The following PRRG1 variants were observed in gnomAD, a reference collection of about 807,000 sequenced individuals.
PRRG1 encodes proline rich and Gla domain 1.
In PRRG1, 5 loss-of-function variants were observed where a neutral mutation model predicts 11.8. The ratio of observed to expected loss-of-function variants is 0.42; its 90% confidence interval spans 0.22 to 0.89. The LOEUF is 0.89. Ranked by LOEUF, PRRG1 falls within the 40% of genes least tolerant of loss-of-function variation. The pLI, the probability that PRRG1 is intolerant of heterozygous loss-of-function variation, is 0.28. For synonymous variants in PRRG1, 66 were observed against 60.4 expected (o/e 1.09, Z -0.43); for missense variants, 155 against 166.1 (o/e 0.93, Z 0.37).
chrX:37,350,637 A>G (rs1018304866), intron 1 of PRRG1, among the ~76,000 whole-genome samples: 1 of 111,963 alleles, frequency 8.9e-6, no homozygotes, highest in African/African-American at 3.3e-5. Context: ...GAAAGATAGT[A>G]TATGTGTTCC....
intron 1 of PRRG1, among the ~76,000 whole-genome samples, chrX:37,387,254 C>A (rs1931357229): frequency 8.9e-6 from 1 of 112,235 alleles, no homozygotes; most frequent in Non-Finnish European, 1.9e-5. Flanking sequence ...TGTATAATAA[C>A]CTTTCCTTGA....
rs782194095 is a variant in PRRG1, at chrX:37,453,592, A to G, written c.628A>G (p.Met210Val). 6.7e-6 allele frequency: 8 copies of G among 1,192,467 alleles called. No individual in the cohort carries two copies. In the Admixed American group the frequency reaches 1.1e-4, roughly 17 times the overall value. ...CTCCAACTCAGCCAGTGCCATTCCT[A>G]TGGTGCCTGTGGTCACCACCATCAA... The part of the protein sequence containing the change: ...VNSNSASAIP[M>V]VPVVTTIK Residue 210 changes from methionine to valine, a missense_variant, in exon 4 of 4, where the codon ATG (methionine) becomes GTG (valine). Transcript: ENST00000378628.
At chrX:37,385,179 A>G (rs1366597208) in intron 1 of PRRG1, among the ~76,000 whole-genome samples, 2 of 112,345 alleles carry the variant, frequency 1.8e-5, no homozygotes, top group East Asian at 5.5e-4. Flanking sequence ...ACTATATGCA[A>G]CAATATGGAT....
intron 1 of PRRG1, among the ~76,000 whole-genome samples, chrX:37,402,261 C>T (rs1423769808): frequency 8.9e-6 from 1 of 111,749 alleles, no homozygotes; most frequent in Admixed American, 9.5e-5. Flanking sequence ...GTACTCAAAA[C>T]AGCATGGTAC....
At chrX:37,440,975 C>T (rs1357168807) in intron 3 of PRRG1, 1 of 677,354 alleles carries the variant, frequency 1.5e-6, no homozygotes. Flanking sequence ...CACCATGTTG[C>T]CTAGGCTGGT....
chrX:37,367,669 G>A (rs1283277999), intron 1 of PRRG1, among the ~76,000 whole-genome samples: 1 of 111,888 alleles, frequency 8.9e-6, no homozygotes, highest in Non-Finnish European at 1.9e-5. Context: ...AGATTGATAA[G>A]GTATACCTAG....
intron 1 of PRRG1, among the ~76,000 whole-genome samples, chrX:37,369,668 G>T (rs1194704648): frequency 1.8e-5 from 2 of 111,356 alleles, no homozygotes; most frequent in Non-Finnish European, 3.8e-5. Context: ...ATATGGTTTG[G>T]CTGTGTCCCC....
At chrX:37,395,746 T>C (rs1288147946) in intron 1 of PRRG1, among the ~76,000 whole-genome samples, 2 of 111,475 alleles carry the variant, frequency 1.8e-5, no homozygotes, top group African/African-American at 6.5e-5. Context: ...TCAGAAAAGA[T>C]ATACTTTCCA....
At chrX:37,350,038 G>A (rs1556364323) in intron 1 of PRRG1, among the ~76,000 whole-genome samples, 2 of 102,973 alleles carry the variant, frequency 1.9e-5, no homozygotes, top group Non-Finnish European at 4.0e-5. Context: ...GTGCGGCCCT[G>A]GGGGATGGGA....
chrX:37,430,399 G>C (rs1338152), intron 3 of PRRG1, among the ~76,000 whole-genome samples: 30,513 of 111,032 alleles, frequency 0.27, 5,865 homozygotes, highest in African/African-American at 0.7. Flanking sequence ...ATCTCCAATT[G>C]CAATCCAATC....
At chrX:37,398,931 A>C (rs1238834503) in intron 1 of PRRG1, among the ~76,000 whole-genome samples, 3 of 111,169 alleles carry the variant, frequency 2.7e-5, no homozygotes, top group Non-Finnish European at 3.8e-5. Context: ...AGTTTAGAGA[A>C]AAAAGAATAA....
intron 1 of PRRG1, among the ~76,000 whole-genome samples, chrX:37,364,502 A>G (rs1409887389): frequency 1.8e-5 from 2 of 112,288 alleles, no homozygotes; most frequent in African/African-American, 6.5e-5. Flanking sequence ...CCCAGTGTCT[A>G]TCTGTAGCCC....
At chrX:37,418,235 A>G (rs1556385828) in intron 2 of PRRG1, among the ~76,000 whole-genome samples, 1 of 112,210 alleles carries the variant, frequency 8.9e-6, no homozygotes, top group Non-Finnish European at 1.9e-5. Context: ...ACTTGCCTCA[A>G]TGCAGGGTTG....
rs782618909 is a variant in PRRG1, at chrX:37,418,516, T to C, written c.11-7324T>C. Among the ~76,000 whole-genome samples, 4 of 112,366 alleles carry C rather than the reference T, an allele frequency of 3.6e-5. No homozygotes were observed. In the East Asian group the frequency reaches 1.1e-3, roughly 31 times the overall value. On this transcript the variant is annotated intron_variant, in intron 2 of 3. Coordinates refer to ENST00000378628, the MANE Select transcript of PRRG1 (RefSeq NM_001142395.2). Reference sequence around the variant, plus strand: ...AAAAAATTTTCAATTTGAGCAAATATATTTTGCAGATTGAGGATGCTTACC... The same window carrying C: ...AAAAAATTTTCAATTTGAGCAAATACATTTTGCAGATTGAGGATGCTTACC...
At chrX:37,434,347 A>G (rs1932862425) in intron 3 of PRRG1, among the ~76,000 whole-genome samples, 1 of 112,234 alleles carries the variant, frequency 8.9e-6, no homozygotes, top group African/African-American at 3.2e-5. Context: ...CTGAATGCCT[A>G]CTATGTAACA....
chrX:37,390,890 T>C (rs1931502961), intron 1 of PRRG1, among the ~76,000 whole-genome samples: 1 of 111,722 alleles, frequency 9.0e-6, no homozygotes, highest in African/African-American at 3.3e-5. Flanking sequence ...ATCCTTAAGG[T>C]AGGGAGGTCA....
intron 3 of PRRG1, among the ~76,000 whole-genome samples, chrX:37,434,215 T>C (rs782270856): frequency 1.8e-5 from 2 of 112,511 alleles, no homozygotes; most frequent in Admixed American, 9.4e-5. Flanking sequence ...TGTTTATTGT[T>C]GGAATTATTT....
intron 1 of PRRG1, among the ~76,000 whole-genome samples, chrX:37,402,016 C>T (rs1196822360): frequency 6.3e-5 from 7 of 111,720 alleles, no homozygotes; most frequent in East Asian, 2.8e-4. Context: ...ACATTCCACG[C>T]TCATGGGTAG....
At chrX:37,354,369 TTTTTTA>T (rs1447177201) in intron 1 of PRRG1, among the ~76,000 whole-genome samples, 1 of 85,297 alleles carries the variant, frequency 1.2e-5, no homozygotes, top group Non-Finnish European at 2.4e-5. Flanking sequence ...TGGTAGTGCT[TTTTTTA>T]TTTTTATTTT....
Sources: gnomAD v4.1 joint callset for allele counts (sites outside exome capture counted in the v4.1 genomes callset) on GRCh38, gnomAD v4.1.1 for gene constraint, MANE v1.5 for transcripts, NCBI Gene and HGNC (gene_info 2026-07-23, HGNC 2026-07-21) for gene names.